The following PXDNL variants were observed in gnomAD, a reference collection of about 807,000 sequenced individuals.
The protein encoded by PXDNL is probable oxidoreductase PXDNL.
A neutral mutation model predicts 150.8 loss-of-function variants in PXDNL; 145 were observed. That is an observed-to-expected ratio of 0.96 (90% CI 0.84 to 1.10). The LOEUF is 1.10. Ranked by LOEUF, PXDNL falls within the 50% of genes least tolerant of loss-of-function variation. The probability of loss-of-function intolerance (pLI) is 0.00; values close to 1 mark genes in which losing one functional copy is unlikely to be tolerated. For synonymous variants in PXDNL, 757 were observed against 725.7 expected (o/e 1.04, Z -0.69); for missense variants, 2,087 against 1,873.9 (o/e 1.11, Z -2.10).
At chr8:51,778,406 T>G (rs925508398) in intron 1 of PXDNL, among the ~76,000 whole-genome samples, 1 of 152,236 alleles carries the variant, frequency 6.6e-6, no homozygotes, top group Non-Finnish European at 1.5e-5. Context: ...GGAAGTTCTT[T>G]CCTGTCTCCC....
intron 2 of PXDNL, among the ~76,000 whole-genome samples, chr8:51,645,826 G>A (rs1009028206): frequency 3.3e-5 from 5 of 152,266 alleles, no homozygotes; most frequent in East Asian, 1.9e-4. Context: ...AGACAGTTAC[G>A]TGAAATCGCA....
At chr8:51,598,257 T>C (rs1028479819) in intron 2 of PXDNL, among the ~76,000 whole-genome samples, 13 of 152,164 alleles carry the variant, frequency 8.5e-5, no homozygotes, top group Non-Finnish European at 1.5e-4. Context: ...TTGCTAGCAC[T>C]TTTAGTAGTA....
At position 51,319,947 on chromosome 8, in the gene PXDNL, A is replaced by G. The variant is rs559922943; in HGVS notation, c.4336T>C (p.Cys1446Arg). 2 of 1,580,408 alleles carry G rather than the reference A, an allele frequency of 1.3e-6. No individual in the cohort carries two copies. The highest frequency in any genetic ancestry group is 1.2e-5 in the South Asian group (1 of 85,802). ...CPSPELVKGT[C>R]CPVCRDRGMP... ...CCTCGGTCTCTGCAAACTGGACAGC[A>G]GGTTCCTTTCACCAATTCAGGACTG... The change falls in exon 23 of 23, where the codon TGC becomes CGC. Residue 1446 changes from cysteine (C) to arginine (R), a missense_variant. By Grantham distance (180) the Cys-to-Arg change is radical (BLOSUM62 -3). Transcript: ENST00000356297.
intron 17 of PXDNL, among the ~76,000 whole-genome samples, chr8:51,404,205 G>T (rs7002273): frequency 6.6e-6 from 1 of 152,142 alleles, no homozygotes; most frequent in Non-Finnish European, 1.5e-5. Flanking sequence ...CGCAAAGAGC[G>T]AAAGAACAAA....
chr8:51,483,800 C>T lies in PXDNL; in HGVS notation c.453-86G>A, dbSNP rs1021769515. 5 of 756,690 alleles carry T rather than the reference C, an allele frequency of 6.6e-6. No individual in the cohort carries two copies. In the African/African-American group the frequency reaches 7.2e-5, roughly 11 times the overall value. The allele number at this position is 756,690 out of a possible 1,614,324, so 46.9% of individuals were successfully genotyped here. A position where few individuals can be genotyped will look rare whatever the true frequency, so the allele number is the denominator to read the frequency against. On this transcript the variant is annotated intron_variant, in intron 5 of 22. Coordinates refer to ENST00000356297, the MANE Select transcript of PXDNL (RefSeq NM_144651.5). ...CCTTTCTTTCACCTAACTGTGAATC[C>T]AATACCTTTTTTGAAATATTTCAGT... is the stretch of plus-strand genomic sequence containing the variant.
intron 6 of PXDNL, among the ~76,000 whole-genome samples, chr8:51,482,158 C>T (rs760877076): frequency 7.9e-5 from 12 of 152,284 alleles, no homozygotes; most frequent in African/African-American, 2.9e-4. Context: ...GCAGAGCTGC[C>T]CAAGACCATG....
chr8:51,408,417 G>A lies in PXDNL; in HGVS notation c.3207C>T (p.Ala1069=), dbSNP rs1342380767. Residue 1069 remains alanine, a synonymous_variant, in exon 17 of 23, where the codon GCC becomes GCT. Transcript: ENST00000356297. The part of the protein sequence containing the change: ...LINPILYRLN[A]TLGEISEGHL... ...GGCCTTCGGAAATTTCACCTAAGGTGGCATTCAGTCGGTAAAGAATAGGAT... is the reference window on the plus strand; with the variant it reads ...GGCCTTCGGAAATTTCACCTAAGGTAGCATTCAGTCGGTAAAGAATAGGAT... 1 of 1,614,042 alleles carries A rather than the reference G, an allele frequency of 6.2e-7. No homozygotes were observed. The highest frequency in any genetic ancestry group is 1.3e-5 in the African/African-American group (1 of 75,072).
chr8:51,342,804 C>T (rs1031277910), intron 20 of PXDNL, among the ~76,000 whole-genome samples: 1 of 147,706 alleles, frequency 6.8e-6, no homozygotes, highest in Admixed American at 6.9e-5. Flanking sequence ...AAGAATACTG[C>T]AGCTTAGAAA....
At chr8:51,591,218 A>G (rs962067194) in intron 3 of PXDNL, among the ~76,000 whole-genome samples, 3 of 152,202 alleles carry the variant, frequency 2.0e-5, no homozygotes, top group African/African-American at 7.2e-5. Context: ...AGCCAAATAA[A>G]CTTTTTTTAA....
At chr8:51,578,035 AAGG>A (rs1463687205) in intron 3 of PXDNL, among the ~76,000 whole-genome samples, 3 of 134,132 alleles carry the variant, frequency 2.2e-5, no homozygotes, top group African/African-American at 9.8e-5. Flanking sequence ...GGAAGGAAGG[AAGG>A]AAGGAAGGAA....
At chr8:51,533,598 A>C (rs1811961825) in intron 4 of PXDNL, among the ~76,000 whole-genome samples, 1 of 146,770 alleles carries the variant, frequency 6.8e-6, no homozygotes, top group Admixed American at 6.8e-5. Flanking sequence ...TCCCTGCCTG[A>C]TTCTCCTGCC....
intron 1 of PXDNL, among the ~76,000 whole-genome samples, chr8:51,698,978 C>T (rs1677890673): frequency 6.6e-6 from 1 of 152,160 alleles, no homozygotes; most frequent in South Asian, 2.1e-4. Context: ...TAAATACTCA[C>T]TAAACCTTGC....
chr8:51,459,971 C>T (rs1192759863), intron 8 of PXDNL, among the ~76,000 whole-genome samples: 13 of 152,044 alleles, frequency 8.6e-5, no homozygotes, highest in South Asian at 2.1e-4. Context: ...TCTATGGTCA[C>T]GCACAGTGAC....
chr8:51,756,394 A>G lies in PXDNL; in HGVS notation c.164+52787T>C, dbSNP rs537407745. Among the ~76,000 whole-genome samples, 615 of 113,728 alleles carry G rather than the reference A, an allele frequency of 5.4e-3. 4 individuals are homozygous for G. Among genetic ancestry groups the G allele is most frequent in the African/African-American group, 0.017 (567 of 33,212 alleles). The allele number at this position is 113,728 out of a possible 152,430, so 74.6% of individuals were successfully genotyped here. Reference sequence around the variant, plus strand: ...GTGACACAGTGAGACCCCATCACAGAAAAAAAAAAAAAAGGAAAGAAAGAG... The same window carrying G: ...GTGACACAGTGAGACCCCATCACAGGAAAAAAAAAAAAAGGAAAGAAAGAG... On this transcript the variant is annotated intron_variant, in intron 1 of 22. Transcript: ENST00000356297.
chr8:51,405,053 T>G (rs1808397750), intron 17 of PXDNL, among the ~76,000 whole-genome samples: 1 of 152,128 alleles, frequency 6.6e-6, no homozygotes, highest in Admixed American at 6.5e-5. Context: ...GCCCGGGTGC[T>G]AAGCCCCTCA....
At chr8:51,534,360 G>T (rs1017633110) in intron 4 of PXDNL, among the ~76,000 whole-genome samples, 1 of 145,050 alleles carries the variant, frequency 6.9e-6, no homozygotes, top group African/African-American at 2.6e-5. Flanking sequence ...GGTGGGGGGG[G>T]GTCAGCCCCC....
Position 51,712,661 on chromosome 8 carries a change from G to T in PXDNL, c.165-57901C>A, listed in dbSNP as rs558717398. On this transcript the variant is annotated intron_variant, in intron 1 of 22. Coordinates refer to ENST00000356297, the MANE Select transcript of PXDNL (RefSeq NM_144651.5). ...TTATTACAGTATAAGAAAATATAAT[G>T]ACTTTAGCTTCTATAGTATAAGAAA... Among the ~76,000 whole-genome samples, 4 of 152,202 alleles carry T rather than the reference G, an allele frequency of 2.6e-5. No homozygotes were observed. In the South Asian group the frequency reaches 8.3e-4, roughly 32 times the overall value.
intron 2 of PXDNL, among the ~76,000 whole-genome samples, chr8:51,593,862 C>G (rs16916579): frequency 0.018 from 2,720 of 152,268 alleles, 84 homozygotes; most frequent in African/African-American, 0.061. Flanking sequence ...GAGATAATGT[C>G]AATTTTCATG....
At chr8:51,551,171 A>C (rs1390231926) in intron 4 of PXDNL, among the ~76,000 whole-genome samples, 1 of 152,222 alleles carries the variant, frequency 6.6e-6, no homozygotes, top group Non-Finnish European at 1.5e-5. Context: ...GCTGAAAGAA[A>C]TCATAGATGA....
Sources: allele counts gnomAD v4.1 joint callset (sites outside exome capture counted in the v4.1 genomes callset), GRCh38; gene constraint gnomAD v4.1.1; transcripts MANE v1.5; gene names NCBI Gene and HGNC (gene_info 2026-07-23, HGNC 2026-07-21).